SHROOM3: variants seen among roughly 807,000 people sequenced by gnomAD.
SHROOM3 encodes protein Shroom3.
SHROOM3 carries 47 observed loss-of-function variants against 138.6 expected under a neutral mutation model. That is an observed-to-expected ratio of 0.34 (90% confidence interval 0.27 to 0.43). The LOEUF is 0.43. SHROOM3 is among the 20% of genes least tolerant of loss of function. The pLI is 1.00. For missense variants in SHROOM3, 2,491 were observed against 2,596.5 expected (o/e 0.96, Z 0.88); for synonymous variants, 1,062 against 1,063.3 (o/e 1.00, Z 0.02).
chr4:76,724,970 G>A lies in SHROOM3; in HGVS notation c.456-5834G>A, dbSNP rs186694660. On this transcript the variant is annotated intron_variant, in intron 3 of 10. Coordinates refer to ENST00000296043, the MANE Select transcript of SHROOM3 (RefSeq NM_020859.4). ...TTTTGGTCATCCTTTTCAATTCTTC[G>A]CTTATTTCATCACTTACCTCCTATC... Among the ~76,000 whole-genome samples the A allele has an allele frequency of 9.2e-5, 14 of 152,092 alleles. No homozygotes were observed. The East Asian group carries it at 1.7e-3, about 19-fold the overall frequency.
intron 3 of SHROOM3, among the ~76,000 whole-genome samples, chr4:76,726,541 T>TAAAAAAAAAAAAAA (rs61455146): frequency 3.3e-5 from 3 of 90,836 alleles, no homozygotes; most frequent in African/African-American, 1.3e-4. Flanking sequence ...CCCCTCCATC[T>TAAAAAAAAAAAAAA]AAAAAAAAAA....
At chr4:76,516,995 T>C (rs1474217135) in intron 1 of SHROOM3, among the ~76,000 whole-genome samples, 3 of 152,244 alleles carry the variant, frequency 2.0e-5, no homozygotes, top group Non-Finnish European at 4.4e-5. Flanking sequence ...TATCTTGTTA[T>C]TAAAACTGTC....
chr4:76,750,536 G>A (rs1271835080), intron 6 of SHROOM3, among the ~76,000 whole-genome samples: 3 of 152,132 alleles, frequency 2.0e-5, no homozygotes, highest in Admixed American at 6.5e-5. Flanking sequence ...GGAGGAAGGT[G>A]AGGATTGAAA....
chr4:76,748,899 C>A, intron 5 of SHROOM3, 118 bp from the exon 6 acceptor site: 1 of 852,010 alleles, frequency 1.2e-6, no homozygotes, highest in Non-Finnish European at 2.0e-6. Context: ...CACCACGTGG[C>A]CTGACAATAG....
At chr4:76,599,894 GAT>G (rs1162658960) in intron 2 of SHROOM3, among the ~76,000 whole-genome samples, 1 of 152,178 alleles carries the variant, frequency 6.6e-6, no homozygotes, top group Non-Finnish European at 1.5e-5. Context: ...ATCAAGAAAA[GAT>G]ATGGCACCTG....
At chr4:76,652,119 C>T (rs1177957277) in intron 2 of SHROOM3, among the ~76,000 whole-genome samples, 4 of 152,118 alleles carry the variant, frequency 2.6e-5, no homozygotes, top group Admixed American at 2.6e-4. Flanking sequence ...AGGACACAAC[C>T]ATTTCTGTGC....
At chr4:76,661,480 T>G (rs1177394273) in intron 2 of SHROOM3, among the ~76,000 whole-genome samples, 1 of 152,104 alleles carries the variant, frequency 6.6e-6, no homozygotes, top group Non-Finnish European at 1.5e-5. Flanking sequence ...TCCGCCCACC[T>G]CGGCCTCCCA....
chr4:76,567,636 C>T (rs555398765), intron 2 of SHROOM3, among the ~76,000 whole-genome samples: 43 of 152,064 alleles, frequency 2.8e-4, no homozygotes, highest in African/African-American at 1.0e-3. Flanking sequence ...GGCAACAGAG[C>T]GAGACTCCAT....
At chr4:76,725,009 A>G (rs1234340003) in intron 3 of SHROOM3, among the ~76,000 whole-genome samples, 1 of 152,208 alleles carries the variant, frequency 6.6e-6, no homozygotes, top group African/African-American at 2.4e-5. Context: ...ACGGTATGGA[A>G]GAATCTTATA....
chr4:76,506,318 G>C (rs1170142559), intron 1 of SHROOM3, among the ~76,000 whole-genome samples: 6 of 152,084 alleles, frequency 3.9e-5, no homozygotes, highest in Admixed American at 3.9e-4. Flanking sequence ...CATAGCACGT[G>C]CATACCTATG....
In SHROOM3 at chr4:76,740,056, G is replaced by T. The variant is rs541615486; in HGVS notation, c.1883G>T (p.Gly628Val). 1.2e-5 allele frequency: 20 copies of T among 1,613,798 alleles called. No individual in the cohort carries two copies. In the South Asian group the frequency reaches 2.1e-4, roughly 17 times the overall value. ...RSSRLSEPWE[G>V]DFQEDHNANL... Reference sequence around the variant, plus strand: ...TCCAGGCTCTCAGAGCCCTGGGAGGGCGATTTCCAGGAAGACCACAATGCC... The same window carrying T: ...TCCAGGCTCTCAGAGCCCTGGGAGGTCGATTTCCAGGAAGACCACAATGCC... Residue 628 changes from glycine (G) to valine (V), a missense_variant, in exon 5 of 11, where the codon GGC becomes GTC. By Grantham distance (109) the Gly-to-Val change is moderately radical. This residue lies in a region of SHROOM3 where 1,733 missense variants were observed against 1,661.6 expected (regional missense o/e 1.04). Transcript: ENST00000296043. This position sits in a 1 kb window ranked among gnomAD's most constrained non-coding sequence, Gnocchi z 4.0.
In SHROOM3 at chr4:76,730,829, C is replaced by T. The variant is rs1720851012; in HGVS notation, c.481C>T (p.His161Tyr). The T allele has an allele frequency of 6.2e-7, 1 of 1,614,098 alleles. No homozygotes were observed. The highest frequency in any genetic ancestry group is 8.5e-7 in the Non-Finnish European group (1 of 1,179,998). The change falls in exon 4 of 11, where the codon CAC becomes TAC. Residue 161 changes from histidine to tyrosine, a missense_variant. This residue lies in a region of SHROOM3 where 284 missense variants were observed against 322.8 expected (regional missense o/e 0.88). Transcript: ENST00000296043. Reference protein sequence around the residue: ...HRRSEPAGRPHSWHTTKSGEK... With the variant: ...HRRSEPAGRPYSWHTTKSGEK... ...GCGCAGTGAGCCTGCAGGCCGACCTCACTCGTGGCACACAACTAAATCTGG... is the reference window on the plus strand; with the variant it reads ...GCGCAGTGAGCCTGCAGGCCGACCTTACTCGTGGCACACAACTAAATCTGG...
At chr4:76,731,032 T>G in intron 4 of SHROOM3, 97 bp downstream of exon 4, 1 of 1,497,398 alleles carries the variant, frequency 6.7e-7, no homozygotes, top group Middle Eastern at 1.7e-4. Flanking sequence ...ATGTTTTTTC[T>G]TATACTCACA....
At chr4:76,537,657 T>C (rs1047074244) in intron 1 of SHROOM3, among the ~76,000 whole-genome samples, 2 of 152,154 alleles carry the variant, frequency 1.3e-5, no homozygotes, top group African/African-American at 2.4e-5. Context: ...GGGTTCAATA[T>C]ATAATGTGAG....
intron 2 of SHROOM3, among the ~76,000 whole-genome samples, chr4:76,667,743 C>T (rs1321953003): frequency 6.6e-6 from 1 of 151,116 alleles, no homozygotes; most frequent in East Asian, 2.0e-4. Flanking sequence ...CTGAGGCGGG[C>T]GGATCATGAG....
chr4:76,436,989 A>G (rs1190326689), intron 1 of SHROOM3, among the ~76,000 whole-genome samples: 1 of 152,212 alleles, frequency 6.6e-6, no homozygotes, highest in Non-Finnish European at 1.5e-5. Context: ...ACACATGTGC[A>G]TTCATCAAGA....
At chr4:76,551,023 C>T (rs1288501694) in intron 1 of SHROOM3, among the ~76,000 whole-genome samples, 5 of 151,146 alleles carry the variant, frequency 3.3e-5, no homozygotes, top group East Asian at 4.0e-4. Context: ...AATTTTTTTT[C>T]GAGACAGGGT....
At chr4:76,524,215 C>T (rs1732631433) in intron 1 of SHROOM3, among the ~76,000 whole-genome samples, 1 of 152,176 alleles carries the variant, frequency 6.6e-6, no homozygotes, top group African/African-American at 2.4e-5. Flanking sequence ...GGGCAGATTG[C>T]AGATCCAGGA....
At chr4:76,648,733 T>C (rs1166125256) in intron 2 of SHROOM3, among the ~76,000 whole-genome samples, 1 of 152,222 alleles carries the variant, frequency 6.6e-6, no homozygotes, top group Admixed American at 6.5e-5. Flanking sequence ...ACTGTGACCA[T>C]GTAGATGTAA....
Sources: gnomAD v4.1 joint callset for allele counts (sites outside exome capture counted in the v4.1 genomes callset) on GRCh38, gnomAD v4.1.1 for gene constraint, gnomAD v4.1.1 regional missense constraint, Gnocchi (gnomAD v3.1) non-coding constraint, MANE v1.5 for transcripts, NCBI Gene and HGNC (gene_info 2026-07-23, HGNC 2026-07-21) for gene names.